Variants in ZNF578 observed in about 807,000 individuals in gnomAD.
ZNF578 encodes the protein Putative chemokine-related protein B42.
ZNF578 carries 8 observed loss-of-function variants against 8.3 expected under a neutral mutation model. The observed-to-expected ratio is 0.96, with a 90% CI of 0.56 to 1.74. The LOEUF (loss-of-function observed/expected upper bound fraction) is 1.74, where lower values mean the gene tolerates loss of function less well. Among genes scored for constraint, ZNF578 ranks in the 40% most tolerant of loss-of-function variants. The pLI, the probability that ZNF578 is intolerant of heterozygous loss-of-function variation, is 0.00. For synonymous variants in ZNF578, 206 were observed against 232.2 expected (o/e 0.89, Z 1.03); for missense variants, 726 against 707.5 (o/e 1.03, Z -0.30).
chr19:52,471,437 A>G (rs1478891498), intron 2 of ZNF578, among the ~76,000 whole-genome samples: 1 of 152,174 alleles, frequency 6.6e-6, no homozygotes, highest in African/African-American at 2.4e-5. Context: ...GTTTCTCTGT[A>G]GAACCCTAAT....
chr19:52,499,828 A>G (rs1167377669), intron 3 of ZNF578, among the ~76,000 whole-genome samples: 8 of 151,934 alleles, frequency 5.3e-5, no homozygotes, highest in African/African-American at 1.2e-4. Flanking sequence ...TGGGATCACA[A>G]TCGACTTTCA....
At chr19:52,473,264 G>C in intron 2 of ZNF578, 1 of 154,490 alleles carries the variant, frequency 6.5e-6, no homozygotes, top group East Asian at 1.9e-4. Flanking sequence ...TATCTGATGC[G>C]GTGTAAGTTG....
At chr19:52,494,710 C>T (rs1011667865) in intron 3 of ZNF578, among the ~76,000 whole-genome samples, 1 of 152,160 alleles carries the variant, frequency 6.6e-6, no homozygotes, top group Non-Finnish European at 1.5e-5. Context: ...AATCCCTATT[C>T]AGCCCGCGGG....
chr19:52,466,971 T>C lies in ZNF578; in HGVS notation c.-122+10013T>C, dbSNP rs182208698. ...TCATGAAGTTCCATGTTGTTATCCT[T>C]GAACTCATTTCACGTTTTCCCAGGC... On this transcript the variant is annotated intron_variant, in intron 2 of 5. Transcript: ENST00000421239. Among the ~76,000 whole-genome samples, 196 of 152,278 alleles carry C rather than the reference T, an allele frequency of 1.3e-3. 1 individual carries two copies. The highest frequency in any genetic ancestry group is 2.1e-3 in the Non-Finnish European group (145 of 68,022).
At chr19:52,501,223 G>A (rs940405761) in intron 3 of ZNF578, among the ~76,000 whole-genome samples, 1 of 152,156 alleles carries the variant, frequency 6.6e-6, no homozygotes, top group African/African-American at 2.4e-5. Context: ...TCTGGATCCT[G>A]GTGAGAACTT....
Position 52,516,342 on chromosome 19 carries a change from T to C in ZNF578, c.*4188T>C, listed in dbSNP as rs1228941118. ...TTAGGTCTGTGCCCTGAAGGGGAGC[T>C]CATTCCAGCCCAGTTCCCAACTGCT... On this transcript the variant is annotated 3_prime_UTR_variant, in exon 6 of 6. Transcript: ENST00000421239. Among the ~76,000 whole-genome samples, 1 of 152,116 alleles carries C rather than the reference T, an allele frequency of 6.6e-6. No homozygotes were observed. The highest frequency in any genetic ancestry group is 2.1e-4 in the South Asian group (1 of 4,820).
chr19:52,515,871 T>C lies in ZNF578; in HGVS notation c.*3717T>C, dbSNP rs1170614448. Among the ~76,000 whole-genome samples the C allele has an allele frequency of 6.6e-6, 1 of 152,090 alleles. No individual in the cohort carries two copies. The highest frequency in any genetic ancestry group is 1.5e-5 in the Non-Finnish European group (1 of 68,022). On this transcript the variant is annotated 3_prime_UTR_variant, in exon 6 of 6. Coordinates refer to ENST00000421239, the MANE Select transcript of ZNF578 (RefSeq NM_001099694.2). The stretch of plus-strand genomic sequence containing the variant: ...AGAGACCATCTTCAAGGCCTTTCTC[T>C]GTATGAGGACATCACAGCAAAATCT...
At chr19:52,494,222 C>T (rs1159063563) in intron 3 of ZNF578, among the ~76,000 whole-genome samples, 2 of 151,656 alleles carry the variant, frequency 1.3e-5, no homozygotes, top group Non-Finnish European at 2.9e-5. Flanking sequence ...CGCAGTGGCT[C>T]AAGCCTGTAA....
intron 2 of ZNF578, chr19:52,474,141 C>T (rs1451163155): frequency 3.0e-6 from 1 of 335,560 alleles, no homozygotes; most frequent in Non-Finnish European, 6.3e-6. Context: ...TTGCCACGTT[C>T]ATGACATTTG....
At chr19:52,468,843 G>C (rs377124443) in intron 2 of ZNF578, among the ~76,000 whole-genome samples, 1 of 152,124 alleles carries the variant, frequency 6.6e-6, no homozygotes, top group South Asian at 2.1e-4. Context: ...TCCTGCCCTT[G>C]GACATCAGAT....
intron 4 of ZNF578, 41 bp from the exon 5 acceptor site, chr19:52,504,614 A>G (rs1412248588): frequency 2.4e-5 from 38 of 1,613,034 alleles, no homozygotes; most frequent in Admixed American, 1.5e-4. Context: ...TGATAACTCA[A>G]TCCTCCATAA....
chr19:52,495,830 C>G (rs1489249320), intron 3 of ZNF578, among the ~76,000 whole-genome samples: 1 of 151,952 alleles, frequency 6.6e-6, no homozygotes, highest in Non-Finnish European at 1.5e-5. Context: ...TGACTTGACT[C>G]ATTCGTTGTG....
At chr19:52,460,508 T>C (rs1010852707) in intron 2 of ZNF578, among the ~76,000 whole-genome samples, 2 of 152,240 alleles carry the variant, frequency 1.3e-5, no homozygotes, top group Non-Finnish European at 2.9e-5. Context: ...TATTTATTTT[T>C]GGTGTTGAGT....
intron 2 of ZNF578, chr19:52,458,983 C>G (rs1035584862): frequency 2.0e-5 from 3 of 152,094 alleles, no homozygotes; most frequent in Non-Finnish European, 2.9e-5. Context: ...GATGGTTCTC[C>G]TTTCACAGGG....
intron 5 of ZNF578, among the ~76,000 whole-genome samples, chr19:52,505,044 C>A (rs555045671): frequency 5.9e-5 from 9 of 152,096 alleles, no homozygotes; most frequent in Non-Finnish European, 1.2e-4. Context: ...TGCGCCACCA[C>A]GCCCAGCTAA....
intron 3 of ZNF578, among the ~76,000 whole-genome samples, chr19:52,496,631 A>T (rs2059387829): frequency 7.7e-6 from 1 of 130,090 alleles, no homozygotes; most frequent in South Asian, 2.5e-4. Context: ...GCTCAGCCTC[A>T]TTAGTTGTTA....
chr19:52,469,818 T>C (rs980518918), intron 2 of ZNF578, among the ~76,000 whole-genome samples: 1 of 152,196 alleles, frequency 6.6e-6, no homozygotes, highest in Non-Finnish European at 1.5e-5. Flanking sequence ...TATATCATAC[T>C]TAGCCTCAAA....
At chr19:52,494,569 A>T (rs911201982) in intron 3 of ZNF578, among the ~76,000 whole-genome samples, 12 of 152,210 alleles carry the variant, frequency 7.9e-5, no homozygotes, top group African/African-American at 2.9e-4. Context: ...TAGTTGTGAC[A>T]TGTTGACTTC....
intron 3 of ZNF578, among the ~76,000 whole-genome samples, chr19:52,494,533 G>A (rs2059378940): frequency 6.6e-6 from 1 of 152,150 alleles, no homozygotes; most frequent in African/African-American, 2.4e-5. Context: ...GGATACAGAT[G>A]AGTGTGTGAG....
Sources: allele counts gnomAD v4.1 joint callset (sites outside exome capture counted in the v4.1 genomes callset), GRCh38; gene constraint gnomAD v4.1.1; transcripts MANE v1.5; gene names NCBI Gene and HGNC (gene_info 2026-07-23, HGNC 2026-07-21).